The following PTPRD variants were observed in gnomAD, a reference collection of about 807,000 sequenced individuals.
The protein encoded by PTPRD is protein tyrosine phosphatase receptor type D.
PTPRD carries 34 observed loss-of-function variants against 214.5 expected under a neutral mutation model. That is an observed-to-expected ratio of 0.16 (90% CI 0.12 to 0.21). PTPRD has a LOEUF of 0.21. Among genes scored for constraint, PTPRD ranks in the 10% least tolerant of loss-of-function variants. The pLI, the probability that PTPRD is intolerant of heterozygous loss-of-function variation, is 1.00. For missense variants in PTPRD, 2,545 were observed against 2,398.7 expected (o/e 1.06, Z -1.27); for synonymous variants, 1,128 against 845.7 (o/e 1.33, Z -5.79).
chr9:9,287,863 C>G (rs1314216277), intron 9 of PTPRD, among the ~76,000 whole-genome samples: 1 of 151,454 alleles, frequency 6.6e-6, no homozygotes, highest in Non-Finnish European at 1.5e-5. Flanking sequence ...TAAGAAGGTG[C>G]AAACATACCA....
chr9:10,035,390 C>G (rs1400775822), intron 3 of PTPRD, among the ~76,000 whole-genome samples: 6 of 152,034 alleles, frequency 3.9e-5, no homozygotes, highest in Non-Finnish European at 8.8e-5. Flanking sequence ...TGTAAGTCGT[C>G]TATCTGTTGA....
At chr9:8,556,700 A>G (rs2083886029) in intron 14 of PTPRD, among the ~76,000 whole-genome samples, 2 of 152,132 alleles carry the variant, frequency 1.3e-5, no homozygotes, top group African/African-American at 2.4e-5. Flanking sequence ...ACTTAGTTAC[A>G]TATGCTTATT....
At chr9:9,189,036 A>C (rs944608995) in intron 9 of PTPRD, among the ~76,000 whole-genome samples, 1 of 152,066 alleles carries the variant, frequency 6.6e-6, no homozygotes, top group Admixed American at 6.6e-5. Flanking sequence ...ATTACATCTT[A>C]TTCTTCTTTT....
chr9:9,105,260 T>G (rs1174568454), intron 10 of PTPRD, among the ~76,000 whole-genome samples: 1 of 152,192 alleles, frequency 6.6e-6, no homozygotes, highest in Non-Finnish European at 1.5e-5. Context: ...AGCTCTTCAG[T>G]GCCAACTCAG....
chr9:10,568,301 A>C (rs1478283637), intron 2 of PTPRD, among the ~76,000 whole-genome samples: 1 of 151,914 alleles, frequency 6.6e-6, no homozygotes, highest in African/African-American at 2.4e-5. Context: ...CGAACTCATC[A>C]TTTTTTATGG....
chr9:9,963,399 G>A (rs944402622), intron 4 of PTPRD, among the ~76,000 whole-genome samples: 6 of 150,096 alleles, frequency 4.0e-5, no homozygotes, highest in Admixed American at 1.3e-4. Context: ...ATGCCTCTAA[G>A]TGTAAATAGT....
At chr9:10,501,319 G>C (rs568309744) in intron 2 of PTPRD, among the ~76,000 whole-genome samples, 13 of 151,888 alleles carry the variant, frequency 8.6e-5, no homozygotes, top group Admixed American at 5.2e-4. Flanking sequence ...TTAGATATCT[G>C]TTTGCCATTT....
At chr9:9,561,422 C>T (rs189845704) in intron 8 of PTPRD, among the ~76,000 whole-genome samples, 19 of 152,292 alleles carry the variant, frequency 1.2e-4, no homozygotes, top group Admixed American at 5.2e-4. Flanking sequence ...GTATTGGTCA[C>T]GCATATTTGA....
intron 45 of PTPRD, among the ~76,000 whole-genome samples, chr9:8,319,478 T>A (rs1825149133): frequency 6.6e-6 from 1 of 151,880 alleles, no homozygotes; most frequent in Non-Finnish European, 1.5e-5. Flanking sequence ...GGGCTGAGAT[T>A]ATATTATGTA....
At chr9:9,789,595 A>C (rs576373450) in intron 5 of PTPRD, among the ~76,000 whole-genome samples, 2 of 151,954 alleles carry the variant, frequency 1.3e-5, no homozygotes, top group South Asian at 2.1e-4. Context: ...CAGGAGATCA[A>C]GACTATCCTG....
chr9:9,085,655 T>A (rs1047199598), intron 10 of PTPRD, among the ~76,000 whole-genome samples: 2 of 152,054 alleles, frequency 1.3e-5, no homozygotes, highest in Non-Finnish European at 1.5e-5. Context: ...AATGCTCTTT[T>A]TTTTTTTGAC....
intron 11 of PTPRD, among the ~76,000 whole-genome samples, chr9:8,836,796 C>T (rs915192027): frequency 2.4e-4 from 36 of 151,440 alleles, no homozygotes; most frequent in Non-Finnish European, 4.7e-4. Flanking sequence ...TGGGGTTTCA[C>T]CATGTTGGCC....
At chr9:9,068,607 T>C (rs543359416) in intron 10 of PTPRD, among the ~76,000 whole-genome samples, 1 of 152,068 alleles carries the variant, frequency 6.6e-6, no homozygotes, top group East Asian at 1.9e-4. Flanking sequence ...ACTGATGTTT[T>C]ACAAAAAATT....
intron 2 of PTPRD, among the ~76,000 whole-genome samples, chr9:10,552,022 G>A (rs559401812): frequency 6.6e-6 from 1 of 152,046 alleles, no homozygotes; most frequent in Non-Finnish European, 1.5e-5. Context: ...GAGGTGCTTT[G>A]GAGTCTTCAA....
intron 11 of PTPRD, among the ~76,000 whole-genome samples, chr9:8,816,858 T>C (rs139608557): frequency 6.6e-6 from 1 of 152,340 alleles, no homozygotes; most frequent in East Asian, 1.9e-4. Context: ...ATAGATTCTT[T>C]CCTCACCTTC....
At chr9:10,157,562 C>T (rs962516684) in intron 3 of PTPRD, among the ~76,000 whole-genome samples, 3 of 152,086 alleles carry the variant, frequency 2.0e-5, no homozygotes, top group African/African-American at 4.8e-5. Context: ...CTGCCTTTAA[C>T]ATTTTTTTTC....
intron 5 of PTPRD, among the ~76,000 whole-genome samples, chr9:9,775,954 CAAAAAAAAAAA>C (rs59412193): frequency 1.0e-4 from 3 of 28,920 alleles, no homozygotes; most frequent in East Asian, 1.1e-3. Flanking sequence ...GACTCTGTCT[CAAAAAAAAAAA>C]AAAAAAAAAA....
intron 5 of PTPRD, among the ~76,000 whole-genome samples, chr9:9,840,761 C>CAAAAAAAA (rs59780411): frequency 4.9e-4 from 30 of 61,618 alleles, no homozygotes; most frequent in Non-Finnish European, 5.5e-4. Flanking sequence ...GACTCCGTTT[C>CAAAAAAAA]AAAAAAAAAA....
At chr9:8,470,621 C>T (rs535632643) in intron 31 of PTPRD, among the ~76,000 whole-genome samples, 1 of 152,156 alleles carries the variant, frequency 6.6e-6, no homozygotes, top group South Asian at 2.1e-4. Flanking sequence ...TTTGTGACAG[C>T]CTCAGCAACT....
Sources: gnomAD v4.1 joint callset for allele counts (sites outside exome capture counted in the v4.1 genomes callset) on GRCh38, gnomAD v4.1.1 for gene constraint, MANE v1.5 for transcripts, NCBI Gene and HGNC (gene_info 2026-07-23, HGNC 2026-07-21) for gene names.